EPM2A: variants seen among roughly 807,000 people sequenced by gnomAD.
EPM2A encodes laforin.
In EPM2A, 21 loss-of-function variants were observed where a neutral mutation model predicts 26.5. That is an observed-to-expected ratio of 0.79 (90% CI 0.56 to 1.14). EPM2A has a LOEUF of 1.14. EPM2A is among the 50% of genes most tolerant of loss of function. The pLI, the probability that EPM2A is intolerant of heterozygous loss-of-function variation, is 0.00. For missense variants in EPM2A, 458 were observed against 440.8 expected, an observed-to-expected ratio of 1.04 and a Z score of -0.35; for synonymous variants, 217 against 177.6, an observed-to-expected ratio of 1.22 and a Z score of -1.76.
chr6:145,643,669 AAAAATGAATTTAG>A (rs1282476273), intron 2 of EPM2A, among the ~76,000 whole-genome samples: 47 of 152,340 alleles, frequency 3.1e-4, no homozygotes, highest in African/African-American at 1.1e-3. Context: ...GCTCCAAAAC[AAAAATGAATTTAG>A]AAAACAAGAC....
intron 2 of EPM2A, among the ~76,000 whole-genome samples, chr6:145,578,359 A>G (rs972541985): frequency 6.6e-6 from 1 of 152,186 alleles, no homozygotes; most frequent in African/African-American, 2.4e-5. Context: ...AAAAGGAGAC[A>G]TTACAACGGA....
chr6:145,735,142 G>A (rs1320831383), intron 1 of EPM2A, 56 bp downstream of exon 1: 11 of 1,355,548 alleles, frequency 8.1e-6, no homozygotes, highest in East Asian at 3.2e-5. Flanking sequence ...GCCCCGGTTG[G>A]GGGTGCGGGC....
intron 1 of EPM2A, among the ~76,000 whole-genome samples, chr6:145,700,284 T>A (rs1348688564): frequency 2.6e-5 from 4 of 152,180 alleles, no homozygotes; most frequent in African/African-American, 9.7e-5. Context: ...TCTAATAATC[T>A]TTAATGTTGA....
In EPM2A at chr6:145,569,124, A is replaced by G. The variant is rs144764450; in HGVS notation, c.340+66121T>C. Among the ~76,000 whole-genome samples the G allele has an allele frequency of 8.5e-5, 13 of 152,360 alleles. No homozygotes were observed. The East Asian group carries it at 1.7e-3, about 20-fold the overall frequency. On this transcript the variant is annotated intron_variant, in intron 2 of 3. Transcript: ENST00000450221. ...GAGAAAGGAAAAGCAAAATAGCACT[A>G]TGGCATGGACTCTGTCCTGATTCCT... is the stretch of plus-strand genomic sequence containing the variant.
intron 2 of EPM2A, among the ~76,000 whole-genome samples, chr6:145,542,663 C>G (rs137891950): frequency 2.1e-4 from 32 of 152,282 alleles, no homozygotes; most frequent in African/African-American, 7.7e-4. Flanking sequence ...CCCCTCTGGA[C>G]AGTCAAATGT....
intron 1 of EPM2A, among the ~76,000 whole-genome samples, chr6:145,724,398 T>C (rs1276644866): frequency 1.3e-5 from 2 of 152,160 alleles, no homozygotes; most frequent in African/African-American, 2.4e-5. Flanking sequence ...AAATATTCTA[T>C]GTTCATAAGT....
At chr6:145,474,899 C>T (rs929065730) in intron 4 of EPM2A, among the ~76,000 whole-genome samples, 4 of 152,064 alleles carry the variant, frequency 2.6e-5, no homozygotes, top group Admixed American at 6.6e-5. Flanking sequence ...TAGAGAAATG[C>T]AAATCAAAAC....
intron 1 of EPM2A, among the ~76,000 whole-genome samples, chr6:145,686,581 G>A (rs1470381598): frequency 6.6e-6 from 1 of 152,028 alleles, no homozygotes; most frequent in East Asian, 1.9e-4. Context: ...TGCTCTAAGA[G>A]GCCATTATGA....
At position 145,713,353 on chromosome 6, in the gene EPM2A, A is replaced by T. The variant is rs145717203; in HGVS notation, c.301+21845T>A. ...GGACCCTTTCAACACAGCAATGAAA[A>T]GGCAAATAAGCCCACTGAAAATGGG... On this transcript the variant is annotated intron_variant, in intron 1 of 3. Coordinates refer to ENST00000367519, the MANE Select transcript of EPM2A (RefSeq NM_005670.4). Among the ~76,000 whole-genome samples, 4 of 152,336 alleles carry T rather than the reference A, an allele frequency of 2.6e-5. No homozygotes were observed. In the East Asian group the frequency reaches 7.7e-4, roughly 29 times the overall value.
intron 2 of EPM2A, among the ~76,000 whole-genome samples, chr6:145,587,709 A>G (rs139702097): frequency 7.4e-4 from 113 of 152,316 alleles, no homozygotes; most frequent in African/African-American, 2.6e-3. Context: ...ATATATTCCA[A>G]TTTTCATTAC....
chr6:145,602,320 A>G (rs542998863), intron 2 of EPM2A, among the ~76,000 whole-genome samples: 1 of 152,224 alleles, frequency 6.6e-6, no homozygotes, highest in Admixed American at 6.5e-5. Context: ...ATAATTATAC[A>G]TGTCACATTA....
At chr6:145,532,402 T>C (rs117896397) in intron 2 of EPM2A, among the ~76,000 whole-genome samples, 1 of 152,264 alleles carries the variant, frequency 6.6e-6, no homozygotes, top group Non-Finnish European at 1.5e-5. Flanking sequence ...AGCAGATACA[T>C]AGGAATGTAA....
At chr6:145,683,386 A>G (rs1020907745) in intron 2 of EPM2A, among the ~76,000 whole-genome samples, 1 of 149,018 alleles carries the variant, frequency 6.7e-6, no homozygotes, top group African/African-American at 2.4e-5. Context: ...TATATAAAGT[A>G]TTATATAGTA....
chr6:145,686,359 A>C (rs1780914319), intron 1 of EPM2A, 63 bp from the exon 2 acceptor site: 3 of 1,296,054 alleles, frequency 2.3e-6, no homozygotes, highest in Non-Finnish European at 3.4e-6. Context: ...ATATCCTCAA[A>C]GCAGCTGATA....
intron 2 of EPM2A, among the ~76,000 whole-genome samples, chr6:145,681,951 AG>A (rs1173335135): frequency 6.6e-6 from 1 of 152,116 alleles, no homozygotes; most frequent in Non-Finnish European, 1.5e-5. Flanking sequence ...TTACTCTCAA[AG>A]CATCCTGGTT....
At position 145,600,859 on chromosome 6, in the gene EPM2A, C is replaced by T. The variant is rs372807645; in HGVS notation, c.340+34386G>A. Among the ~76,000 whole-genome samples, 27 of 152,306 alleles carry T rather than the reference C, an allele frequency of 1.8e-4. No homozygotes were observed. The East Asian group carries it at 4.5e-3, about 25-fold the overall frequency. On this transcript the variant is annotated intron_variant, in intron 2 of 3. Transcript: ENST00000450221. ...CTCAATGATTTCTTCAGCAGAGTGT[C>T]TTTCATGGATGGCTTCACCTGTCCC...
At chr6:145,697,973 A>G (rs1233707833) in intron 1 of EPM2A, among the ~76,000 whole-genome samples, 1 of 152,170 alleles carries the variant, frequency 6.6e-6, no homozygotes, top group Non-Finnish European at 1.5e-5. Flanking sequence ...GGAAATCACA[A>G]GGGTATTAAT....
intron 2 of EPM2A, among the ~76,000 whole-genome samples, chr6:145,677,568 C>G (rs181690741): frequency 6.6e-6 from 1 of 152,258 alleles, no homozygotes; most frequent in East Asian, 1.9e-4. Context: ...TAAGCTGATA[C>G]ACAACTTCAG....
intron 1 of EPM2A, among the ~76,000 whole-genome samples, chr6:145,695,571 A>G (rs146734389): frequency 0.01 from 1,589 of 152,154 alleles, 18 homozygotes; most frequent in Middle Eastern, 0.034. Context: ...TTGTAAGAAC[A>G]CACGTAGATG....
Sources: allele counts gnomAD v4.1 joint callset (sites outside exome capture counted in the v4.1 genomes callset), GRCh38; gene constraint gnomAD v4.1.1; transcripts MANE v1.5; gene names NCBI Gene and HGNC (gene_info 2026-07-23, HGNC 2026-07-21).